The following JPT2 variants were observed in gnomAD, a reference collection of about 807,000 sequenced individuals.
JPT2 encodes Jupiter microtubule associated homolog 2.
In JPT2, 9 loss-of-function variants were observed where a neutral mutation model predicts 15.9. That is an observed-to-expected ratio of 0.57 (90% CI 0.34 to 0.99). The LOEUF (loss-of-function observed/expected upper bound fraction) is 0.99. Ranked by LOEUF, JPT2 falls within the 50% of genes least tolerant of loss-of-function variation. JPT2 has a pLI of 0.02. For synonymous variants in JPT2, 95 were observed against 91.7 expected, an observed-to-expected ratio of 1.04 and a Z score of -0.21; for missense variants, 267 against 252.1, an observed-to-expected ratio of 1.06 and a Z score of -0.40.
intron 2 of JPT2, among the ~76,000 whole-genome samples, chr16:1,687,834 A>T (rs771418697): frequency 2.0e-5 from 3 of 152,152 alleles, no homozygotes; most frequent in African/African-American, 7.2e-5. Context: ...TCACCACCCA[A>T]CGAGATCTGG....
At chr16:1,687,124 G>T (rs971498714) in intron 2 of JPT2, among the ~76,000 whole-genome samples, 5 of 152,086 alleles carry the variant, frequency 3.3e-5, no homozygotes, top group African/African-American at 9.7e-5. Flanking sequence ...CTGGGACTAC[G>T]GGCGTATGCC....
intron 3 of JPT2, among the ~76,000 whole-genome samples, chr16:1,693,567 C>T (rs151239829): frequency 6.6e-6 from 1 of 152,288 alleles, no homozygotes; most frequent in East Asian, 1.9e-4. Flanking sequence ...CCTGCTGAGA[C>T]TCACACTTTC....
intron 1 of JPT2, chr16:1,680,277 G>C: frequency 3.1e-6 from 3 of 970,910 alleles, no homozygotes; most frequent in South Asian, 8.4e-5. Context: ...GTGCTGCCTG[G>C]CACTGGCTGC....
At chr16:1,681,302 G>C (rs1342150192) in intron 1 of JPT2, among the ~76,000 whole-genome samples, 1 of 152,200 alleles carries the variant, frequency 6.6e-6, no homozygotes, top group Admixed American at 6.5e-5. Flanking sequence ...AGTGGGACCT[G>C]TTGCCTTTGT....
At chr16:1,687,393 G>A (rs555840939) in intron 2 of JPT2, among the ~76,000 whole-genome samples, 2 of 152,248 alleles carry the variant, frequency 1.3e-5, no homozygotes, top group African/African-American at 4.8e-5. Context: ...GTTGTTTCCG[G>A]TTTATGAATT....
chr16:1,678,285 C>A lies in JPT2; in HGVS notation c.-28C>A, dbSNP rs1021617232. 5 of 1,235,400 alleles carry A rather than the reference C, an allele frequency of 4.0e-6. No homozygotes were observed. In the African/African-American group the frequency reaches 6.2e-5, roughly 15 times the overall value. 76.5% of individuals were successfully genotyped at this position (1,235,400 alleles called of 1,614,324 possible). On this transcript the variant is annotated 5_prime_UTR_variant, in exon 1 of 5. Transcript: ENST00000248098. ...GCGCTGGGCGGGCGGGAACGGCGCG[C>A]GGCGAGCTGAGGGTGGCGGCGGTCG...
At chr16:1,684,477 A>T (rs2037049162) in intron 1 of JPT2, among the ~76,000 whole-genome samples, 1 of 152,200 alleles carries the variant, frequency 6.6e-6, no homozygotes, top group African/African-American at 2.4e-5. Context: ...GCGATGGCCC[A>T]CACCTGTAAT....
intron 3 of JPT2, among the ~76,000 whole-genome samples, chr16:1,696,628 C>T (rs561003791): frequency 2.6e-5 from 4 of 152,066 alleles, no homozygotes; most frequent in African/African-American, 9.7e-5. Context: ...GCCTACAACT[C>T]AACAACGAAA....
chr16:1,693,223 A>G (rs2037116554), intron 3 of JPT2, among the ~76,000 whole-genome samples: 3 of 152,126 alleles, frequency 2.0e-5, no homozygotes, highest in Admixed American at 2.0e-4. Context: ...CAGCGTCCCG[A>G]GTAGCCAGTG....
chr16:1,691,113 G>T (rs949664794), intron 2 of JPT2, among the ~76,000 whole-genome samples: 1 of 152,188 alleles, frequency 6.6e-6, no homozygotes, highest in African/African-American at 2.4e-5. Flanking sequence ...GTCAAAAGTG[G>T]GTGCTTGGTG....
chr16:1,685,626 C>G (rs200398195), intron 2 of JPT2, 39 bp downstream of exon 2: 1 of 1,582,654 alleles, frequency 6.3e-7, no homozygotes, highest in African/African-American at 1.4e-5. Flanking sequence ...TTGGCCTCCA[C>G]GATTCTCTTT....
chr16:1,693,758 A>G (rs1175250135), intron 3 of JPT2, among the ~76,000 whole-genome samples: 3 of 151,694 alleles, frequency 2.0e-5, no homozygotes, highest in African/African-American at 4.8e-5. Flanking sequence ...GGAATATACA[A>G]AATAAGCGTA....
chr16:1,685,305 G>A (rs2037056099), intron 1 of JPT2, 134 bp from the exon 2 acceptor site: 1 of 940,704 alleles, frequency 1.1e-6, no homozygotes, highest in Non-Finnish European at 1.6e-6. Flanking sequence ...TCCAGCCTGG[G>A]TGACAGAATG....
At chr16:1,678,702 T>G (rs2036994598) in intron 1 of JPT2, among the ~76,000 whole-genome samples, 1 of 150,006 alleles carries the variant, frequency 6.7e-6, no homozygotes, top group South Asian at 2.2e-4. Context: ...CGTGGGGGGT[T>G]TCCTGGGGGC....
In JPT2 at chr16:1,695,441, G is replaced by A. The variant is rs142962006; in HGVS notation, c.337-2371G>A. Among the ~76,000 whole-genome samples, 32 of 151,326 alleles carry A rather than the reference G, an allele frequency of 2.1e-4. No homozygotes were observed. In the East Asian group the frequency reaches 3.9e-3, roughly 18 times the overall value. On this transcript the variant is annotated intron_variant, in intron 3 of 4. Transcript: ENST00000248098. Reference sequence around the variant, plus strand: ...AAAAAAATCAGTTGCGTATGGTTGCGTGCACCTGTGGTCCTAGTTACCTGG... The same window carrying A: ...AAAAAAATCAGTTGCGTATGGTTGCATGCACCTGTGGTCCTAGTTACCTGG...
At chr16:1,689,906 G>A (rs1023398444) in intron 2 of JPT2, 1 of 152,344 alleles carries the variant, frequency 6.6e-6, no homozygotes, top group Non-Finnish European at 1.5e-5. Context: ...CCTGGCCAGG[G>A]GTGTCAAGCT....
At chr16:1,702,223 C>A, downstream of JPT2, 1 of 451,456 alleles carries the variant, frequency 2.2e-6, no homozygotes, top group Non-Finnish European at 4.4e-6. Flanking sequence ...CCTGCTAGAT[C>A]GGGGCCAGAT....
chr16:1,686,996 G>T (rs2142223805), intron 2 of JPT2, among the ~76,000 whole-genome samples: 1 of 152,266 alleles, frequency 6.6e-6, no homozygotes, highest in Non-Finnish European at 1.5e-5. Context: ...TTTTTAGTCT[G>T]TTTTGAGACG....
chr16:1,697,536 T>C (rs2037151562), intron 3 of JPT2, among the ~76,000 whole-genome samples: 1 of 152,038 alleles, frequency 6.6e-6, no homozygotes, highest in African/African-American at 2.4e-5. Context: ...AAAAATTGAC[T>C]TTGATATTTA....
Sources: gnomAD v4.1 joint callset for allele counts (sites outside exome capture counted in the v4.1 genomes callset) on GRCh38, gnomAD v4.1.1 for gene constraint, MANE v1.5 for transcripts, NCBI Gene and HGNC (gene_info 2026-07-23, HGNC 2026-07-21) for gene names.